Variants in ZNF443 observed in about 807,000 individuals in gnomAD.
ZNF443 encodes zinc finger protein 443, also known as Kruppel-type zinc finger (C2H2).
In ZNF443, 3 loss-of-function variants were observed where a neutral mutation model predicts 12.0. That is an observed-to-expected ratio of 0.25 (90% CI 0.11 to 0.64). The LOEUF (loss-of-function observed/expected upper bound fraction) is 0.64. ZNF443 is among the 30% of genes least tolerant of loss of function. ZNF443 has a pLI of 0.84. For synonymous variants in ZNF443, 225 were observed against 265.9 expected (o/e 0.85, Z 1.50); for missense variants, 770 against 808.8 (o/e 0.95, Z 0.58).
chr19:12,432,077 G>A (rs4804694), intron 3 of ZNF443, 97 bp from the exon 4 acceptor site: 649,648 of 912,692 alleles, frequency 0.71, 238,249 homozygotes, highest in Admixed American at 0.74. Flanking sequence ...ACTATCATGC[G>A]AAGTGCAGGC....
chr19:12,437,118 A>G (rs1970319091), intron 1 of ZNF443, among the ~76,000 whole-genome samples: 2 of 152,158 alleles, frequency 1.3e-5, no homozygotes, highest in South Asian at 4.1e-4. Flanking sequence ...AGCCTGTCAC[A>G]GTGGCTCAGC....
intron 1 of ZNF443, among the ~76,000 whole-genome samples, chr19:12,440,607 G>A (rs1970355103): frequency 1.3e-5 from 2 of 152,202 alleles, no homozygotes; most frequent in Non-Finnish European, 2.9e-5. Flanking sequence ...TCGGTGCAGT[G>A]AGTCGGGCCG....
In ZNF443 at chr19:12,430,611, G is replaced by T. The variant is rs368184112; in HGVS notation, c.1561C>A (p.Arg521=). 1.2e-6 allele frequency: 2 copies of T among 1,611,326 alleles called. No homozygotes were observed. The highest frequency in any genetic ancestry group is 1.7e-5 in the Admixed American group (1 of 59,804). ...TCTCCTGTGTGAGTCCTTTTATGTCGAGAAAGGTATCTGAAACGACTGAAT... is the reference window on the plus strand; with the variant it reads ...TCTCCTGTGTGAGTCCTTTTATGTCTAGAAAGGTATCTGAAACGACTGAAT... The part of the protein sequence containing the change: ...KAFSRFRYLS[R]HKRTHTGEKP... Residue 521 remains arginine (R), a synonymous_variant, in exon 4 of 4, where the codon CGA becomes AGA. Transcript: ENST00000301547.
chr19:12,436,559 A>G (rs1195969310), intron 1 of ZNF443, among the ~76,000 whole-genome samples: 1 of 150,844 alleles, frequency 6.6e-6, no homozygotes, highest in African/African-American at 2.5e-5. Context: ...CATCTTCACA[A>G]GTGTTCAACA....
In ZNF443 at chr19:12,430,027, T is replaced by G; in HGVS notation, c.*129A>C. ...AGGGATGACTGTACTGGAAAGAAAC[T>G]GAAACTACTTAAGGCTTTACCAAGT... On this transcript the variant is annotated 3_prime_UTR_variant, in exon 4 of 4. Coordinates refer to ENST00000301547, the MANE Select transcript of ZNF443 (RefSeq NM_005815.5). 1 of 1,544,178 alleles carries G rather than the reference T, an allele frequency of 6.5e-7. No homozygotes were observed. Among genetic ancestry groups the G allele is most frequent in the Non-Finnish European group, 8.8e-7 (1 of 1,142,720 alleles).
intron 1 of ZNF443, among the ~76,000 whole-genome samples, chr19:12,437,416 A>AAAAAAAAAAG (rs367738853): frequency 2.0e-5 from 3 of 146,746 alleles, no homozygotes; most frequent in Admixed American, 6.8e-5. Flanking sequence ...TCAAAAAAAA[A>AAAAAAAAAAG]AAAGAAACAA....
chr19:12,438,656 G>C (rs1442653153), intron 1 of ZNF443, among the ~76,000 whole-genome samples: 1 of 151,970 alleles, frequency 6.6e-6, no homozygotes. Context: ...ATACTACTAA[G>C]TCCTGAAATT....
In ZNF443 at chr19:12,430,157, T is replaced by A. The variant is rs28559848; in HGVS notation, c.2015A>T (p.Ter672LeuextTer4). 341,356 of 1,610,318 alleles carry A rather than the reference T, an allele frequency of 0.21. 39,560 individuals are homozygous for A. The highest frequency in any genetic ancestry group is 0.37 in the South Asian group (33,459 of 90,716). ...CATTCCATACATTTAGAGAGAATGC[T>A]AGTGAGTCTTTTTATGTCTATGCAA... ...SSLHRHKKTH[*>L] The change falls in exon 4 of 4, where the codon TAG (stop) becomes TTG (leucine). Residue 672 changes from the stop codon to leucine (L), a stop_lost. Transcript: ENST00000301547.
rs759889715 is a variant in ZNF443, at chr19:12,431,795, G to T, written c.377C>A (p.Ala126Asp). The change falls in exon 4 of 4, where the codon GCT becomes GAT. Residue 126 changes from alanine (A) to aspartate (D), a missense_variant. This residue lies in a region of ZNF443 where 736 missense variants were observed against 689.4 expected (regional missense o/e 1.07). Transcript: ENST00000301547. ...ATGATACTCATGTGGTTTGTGCCCA[G>T]CACCAACTCTGATGTAACAATTAAG... ...SSLNCYIRVG[A>D]GHKPHEYHEC... 1.2e-6 allele frequency: 2 copies of T among 1,614,024 alleles called. No homozygotes were observed. The highest frequency in any genetic ancestry group is 1.7e-6 in the Non-Finnish European group (2 of 1,180,014).
At chr19:12,436,434 C>T (rs564466052) in intron 1 of ZNF443, among the ~76,000 whole-genome samples, 1 of 151,574 alleles carries the variant, frequency 6.6e-6, no homozygotes, top group South Asian at 2.1e-4. Context: ...GAGCCGAGAT[C>T]GTGCCACTGC....
chr19:12,437,834 G>A (rs1208374322), intron 1 of ZNF443, among the ~76,000 whole-genome samples: 1 of 151,868 alleles, frequency 6.6e-6, no homozygotes, highest in Non-Finnish European at 1.5e-5. Context: ...GCTCATGCCT[G>A]TAATCCCAGC....
chr19:12,441,018 C>A lies in ZNF443; in HGVS notation c.-104G>T, dbSNP rs117371426. 0.02 allele frequency: 32,131 copies of A among 1,600,894 alleles called. 406 individuals are homozygous for A. The highest frequency in any genetic ancestry group is 0.024 in the Non-Finnish European group (27,875 of 1,173,286). ...TCAGAACTTCCAGGTCGTCTCTCAG[C>A]TACAGAACCCAGAGCCGAGCGCAGG... On this transcript the variant is annotated 5_prime_UTR_variant, in exon 1 of 4. Transcript: ENST00000301547.
rs200760244 is a variant in ZNF443, at chr19:12,430,946, C to T, written c.1226G>A (p.Arg409Gln). 6.8e-6 allele frequency: 11 copies of T among 1,613,094 alleles called. No homozygotes were observed. The highest frequency in any genetic ancestry group is 1.1e-5 in the South Asian group (1 of 91,014). The change falls in exon 4 of 4, where the codon CGA (arginine) becomes CAA (glutamine). Residue 409 changes from arginine (R) to glutamine (Q), a missense_variant. By Grantham distance (43) the Arg-to-Gln change is conservative. Around this residue, in one of 3 missense-constraint regions of ZNF443, gnomAD observed 736 missense variants for 689.4 expected, o/e 1.07. Transcript: ENST00000301547. ...GKALSHRSSFRSHMIMHTGDG... is the reference protein window; with the variant it reads ...GKALSHRSSFQSHMIMHTGDG... ...TCCAGTGTGCATTATCATATGACTT[C>T]GAAAGCTTGAGCGATGAGATAATGC... is the stretch of plus-strand genomic sequence containing the variant.
chr19:12,433,764 A>G (rs1262719341), intron 1 of ZNF443, among the ~76,000 whole-genome samples: 1 of 151,654 alleles, frequency 6.6e-6, no homozygotes, highest in East Asian at 1.9e-4. Flanking sequence ...GACAGAGTGC[A>G]CTGATCAGCC....
At chr19:12,436,776 C>CAAATATACACAA in intron 1 of ZNF443, among the ~76,000 whole-genome samples, 1 of 69,338 alleles carries the variant, frequency 1.4e-5, no homozygotes, top group African/African-American at 7.5e-5. Context: ...CACACACACA[C>CAAATATACACAA]ACACACAAAT....
Position 12,430,916 on chromosome 19 carries a change from C to T in ZNF443, c.1256G>A (p.Gly419Glu). 1 of 1,613,830 alleles carries T rather than the reference C, an allele frequency of 6.2e-7. No individual in the cohort carries two copies. Among genetic ancestry groups the T allele is most frequent in the Non-Finnish European group, 8.5e-7 (1 of 1,179,936 alleles). ...RSHMIMHTGD[G>E]PHKCKVCGKA... ...CCCACATACCTTGCATTTATGAGGT[C>T]CATCTCCAGTGTGCATTATCATATG... The change falls in exon 4 of 4, where the codon GGA (glycine) becomes GAA (glutamate). Residue 419 changes from glycine (G) to glutamate (E), a missense_variant. Gly to Glu is a moderately conservative substitution (Grantham distance 98, BLOSUM62 -2). This residue lies in a region of ZNF443 where 736 missense variants were observed against 689.4 expected (regional missense o/e 1.07). Transcript: ENST00000301547.
chr19:12,439,516 G>A (rs1970344532), intron 1 of ZNF443, among the ~76,000 whole-genome samples: 2 of 151,886 alleles, frequency 1.3e-5, no homozygotes, highest in South Asian at 4.2e-4. Context: ...AGACAGGGTC[G>A]GCCTCTGTTG....
rs1391423726 is a variant in ZNF443, at chr19:12,430,312, T to C, written c.1860A>G (p.Glu620=). ...TGAGAGAAGCAAATGCTTTCCCACA[T>C]TCCTTACATTCATACGGGTTCTCTC... The part of the protein sequence containing the change: ...HTGENPYECK[E]CGKAFASLSS... Residue 620 remains glutamate, a synonymous_variant, in exon 4 of 4, where the codon GAA becomes GAG. Coordinates refer to ENST00000301547, the MANE Select transcript of ZNF443 (RefSeq NM_005815.5). The C allele has an allele frequency of 1.2e-6, 2 of 1,613,756 alleles. No individual in the cohort carries two copies. The highest frequency in any genetic ancestry group is 1.7e-4 in the Middle Eastern group (1 of 6,058).
At chr19:12,439,023 A>AGG (rs1259996598) in intron 1 of ZNF443, among the ~76,000 whole-genome samples, 5 of 152,178 alleles carry the variant, frequency 3.3e-5, no homozygotes, top group East Asian at 3.9e-4. Flanking sequence ...TGCAACAATC[A>AGG]GTGCAGGTCA....
Sources: gnomAD v4.1 joint callset for allele counts (sites outside exome capture counted in the v4.1 genomes callset) on GRCh38, gnomAD v4.1.1 for gene constraint, gnomAD v4.1.1 regional missense constraint, MANE v1.5 for transcripts, NCBI Gene and HGNC (gene_info 2026-07-23, HGNC 2026-07-21) for gene names.